UBR4: variants seen among roughly 807,000 people sequenced by gnomAD.
UBR4 encodes ubiquitin protein ligase E3 component n-recognin 4.
Under a neutral mutation model 575.6 loss-of-function variants are expected in UBR4, and 124 were observed. The observed-to-expected ratio is 0.22, with a 90% CI of 0.19 to 0.25. The LOEUF (loss-of-function observed/expected upper bound fraction) is 0.25, where lower values mean the gene tolerates loss of function less well. UBR4 is among the 10% of genes least tolerant of loss of function. The pLI is 1.00. For synonymous variants in UBR4, 2,455 were observed against 2,473.7 expected, an observed-to-expected ratio of 0.99 and a Z score of 0.22; for missense variants, 4,818 against 6,478.8, an observed-to-expected ratio of 0.74 and a Z score of 8.80.
intron 1 of UBR4, among the ~76,000 whole-genome samples, chr1:19,204,420 C>T (rs2092903319): frequency 6.6e-6 from 1 of 152,026 alleles, no homozygotes. Flanking sequence ...GCTGCTTATC[C>T]CCACTTTTTC....
rs143550845 is a variant in UBR4 at position 19,200,751 on chromosome 1, T to C, written c.274+967A>G. ...TAGCCAGAGCTTATAATAAACAGTATTGGACACTGAAGGATTCCTCAGCAA... is the reference window on the plus strand; with the variant it reads ...TAGCCAGAGCTTATAATAAACAGTACTGGACACTGAAGGATTCCTCAGCAA... On this transcript the variant is annotated intron_variant, in intron 2 of 105. Coordinates refer to ENST00000375254, the MANE Select transcript of UBR4 (RefSeq NM_020765.3). 4.6e-5 allele frequency among the ~76,000 whole-genome samples: 7 copies of C among 152,354 alleles called. No individual in the cohort carries two copies. The East Asian group carries it at 1.4e-3, about 29-fold the overall frequency.
Position 19,117,887 on chromosome 1 carries a change from A to T in UBR4, c.10565T>A (p.Phe3522Tyr). 1 of 1,614,216 alleles carries T rather than the reference A, an allele frequency of 6.2e-7. No homozygotes were observed. Among genetic ancestry groups the T allele is most frequent in the Non-Finnish European group, 8.5e-7 (1 of 1,180,022 alleles). Residue 3522 changes from phenylalanine (F) to tyrosine (Y), a missense_variant, in exon 72 of 106, where the codon TTT (phenylalanine) becomes TAT (tyrosine). This residue lies in a region of UBR4 where 550 missense variants were observed against 791.5 expected (regional missense o/e 0.69). Coordinates refer to ENST00000375254, the MANE Select transcript of UBR4 (RefSeq NM_020765.3). This position sits in a 1 kb window ranked among gnomAD's most constrained non-coding sequence, Gnocchi z 4.0. ...IYNTLSGLVE[F>Y]DGYYLESDPC... ...ATCGCTCTCCAGGTAATAGCCATCA[A>T]ACTCCACTAAGCCAGACAAAGTGCT...
chr1:19,206,341 T>A (rs1199158170), intron 1 of UBR4, among the ~76,000 whole-genome samples: 1 of 150,984 alleles, frequency 6.6e-6, no homozygotes, highest in East Asian at 1.9e-4. Context: ...TGTCTCTCTT[T>A]TTTTTTTTTT....
chr1:19,140,102 GA>G (rs905999206), intron 58 of UBR4, among the ~76,000 whole-genome samples: 2 of 150,682 alleles, frequency 1.3e-5, no homozygotes, highest in Admixed American at 6.6e-5. Flanking sequence ...CAAAAGAAAA[GA>G]AAAAAAACAA....
chr1:19,117,268 C>T lies in UBR4; in HGVS notation c.10776G>A (p.Leu3592=), dbSNP rs1157088097. 2.5e-6 allele frequency: 4 copies of T among 1,614,176 alleles called. No individual in the cohort carries two copies. The highest frequency in any genetic ancestry group is 3.4e-6 in the Non-Finnish European group (4 of 1,180,030). ...KRTKMVRTIN[L]YYNNRTVQAI... ...CCTGCACGGTTCGGTTGTTATAATA[C>T]AGGTTGATGGTCCGCACCATCTTGG... Residue 3592 remains leucine (L), a synonymous_variant, in exon 73 of 106, where the codon CTG becomes CTA. Transcript: ENST00000375254. This position sits in a 1 kb window ranked among gnomAD's most constrained non-coding sequence, Gnocchi z 4.0.
chr1:19,116,297 T>G (rs1228533248), intron 73 of UBR4, among the ~76,000 whole-genome samples: 1 of 152,234 alleles, frequency 6.6e-6, no homozygotes, highest in Non-Finnish European at 1.5e-5. Flanking sequence ...GTAGCAGAGC[T>G]GGGATCTGAA....
In UBR4 at chr1:19,160,972, TTG is replaced by T. The variant is rs762380789; in HGVS notation, c.5349_5350del (p.Lys1784GlufsTer32). On this transcript the variant is annotated frameshift_variant, in exon 38 of 106. Coordinates refer to ENST00000375254, the MANE Select transcript of UBR4 (RefSeq NM_020765.3). LOFTEE classifies it high-confidence loss of function. The stretch of plus-strand genomic sequence containing the variant: ...TACTGTGCGGCAGAGGCTGCTCTTC[TTG>T]GGCTTCTCTTCGTCAGCAACCTTTC... The T allele has an allele frequency of 1.9e-6, 3 of 1,614,086 alleles. No individual in the cohort carries two copies. The African/African-American group carries it at 4.0e-5, about 22-fold the overall frequency.
intron 11 of UBR4, among the ~76,000 whole-genome samples, chr1:19,191,127 ATG>A (rs2092040346): frequency 6.6e-6 from 1 of 152,194 alleles, no homozygotes; most frequent in South Asian, 2.1e-4. Context: ...TCTCTACATC[ATG>A]TCTTTGGAGC....
rs1028092062 is a variant in UBR4, at chr1:19,193,126, C to G, written c.1143+307G>C. On this transcript the variant is annotated intron_variant, in intron 9 of 105. Coordinates refer to ENST00000375254, the MANE Select transcript of UBR4 (RefSeq NM_020765.3). ...TTGTTTCAGCGCACTTAATCACTAT[C>G]GGAAATTTTCCTGTTTACTGCATTT... Among the ~76,000 whole-genome samples the G allele has an allele frequency of 3.9e-5, 6 of 152,246 alleles. No individual in the cohort carries two copies. In the South Asian group the frequency reaches 1.0e-3, roughly 26 times the overall value.
At chr1:19,102,223 G>T (rs796464407) in intron 87 of UBR4, among the ~76,000 whole-genome samples, 34 of 152,196 alleles carry the variant, frequency 2.2e-4, no homozygotes, top group African/African-American at 8.2e-4. Flanking sequence ...AAATTAGCTG[G>T]GCGTGGTGGC....
In UBR4 at chr1:19,100,293, C is replaced by T; in HGVS notation, c.13221+83G>A. ...CCACCTGCCCCAAGTTAATCAGCTACTAGGAAGAAGCACCTGGATTTGGTT... is the reference window on the plus strand; with the variant it reads ...CCACCTGCCCCAAGTTAATCAGCTATTAGGAAGAAGCACCTGGATTTGGTT... On this transcript the variant is annotated intron_variant, in intron 89 of 105. Coordinates refer to ENST00000375254, the MANE Select transcript of UBR4 (RefSeq NM_020765.3). This position sits in a 1 kb window ranked among gnomAD's most constrained non-coding sequence, Gnocchi z 4.2. 6.6e-7 allele frequency: 1 copy of T among 1,508,482 alleles called. No homozygotes were observed. Among genetic ancestry groups the T allele is most frequent in the African/African-American group, 1.4e-5 (1 of 72,640 alleles). The allele number at this position is 1,508,482 out of a possible 1,614,324, so 93.4% of individuals were successfully genotyped here.
intron 9 of UBR4, among the ~76,000 whole-genome samples, chr1:19,193,126 C>A (rs1028092062): frequency 6.6e-6 from 1 of 152,128 alleles, no homozygotes; most frequent in Admixed American, 6.6e-5. Flanking sequence ...TAATCACTAT[C>A]GGAAATTTTC....
At chr1:19,194,095 T>C (rs1473883216) in intron 8 of UBR4, among the ~76,000 whole-genome samples, 1 of 152,232 alleles carries the variant, frequency 6.6e-6, no homozygotes, top group African/African-American at 2.4e-5. Context: ...AACTATTTTG[T>C]ACAATATGGT....
At chr1:19,164,083 TGAA>T (rs530640054) in intron 33 of UBR4, among the ~76,000 whole-genome samples, 167 bp downstream of exon 33, 18 of 152,294 alleles carry the variant, frequency 1.2e-4, no homozygotes, top group African/African-American at 3.6e-4. Context: ...AAGAAAATGA[TGAA>T]GATGAAGTCT....
At chr1:19,149,681 T>A in intron 49 of UBR4, 1 of 1,183,826 alleles carries the variant, frequency 8.4e-7, no homozygotes, top group South Asian at 1.4e-5. Context: ...AGAAGCAGAA[T>A]CAATGCAAAG....
At chr1:19,207,764 C>T (rs2093082343) in intron 1 of UBR4, among the ~76,000 whole-genome samples, 1 of 151,328 alleles carries the variant, frequency 6.6e-6, no homozygotes, top group Non-Finnish European at 1.5e-5. Flanking sequence ...TTTTGTATGG[C>T]TAAGAGTGGT....
At chr1:19,176,915 A>G (rs897674655) in intron 19 of UBR4, among the ~76,000 whole-genome samples, 188 bp from the exon 20 acceptor site, 3 of 152,208 alleles carry the variant, frequency 2.0e-5, no homozygotes, top group Non-Finnish European at 4.4e-5. Flanking sequence ...TTGGTATACC[A>G]AAGCCTGGGA....
At position 19,121,974 on chromosome 1, in the gene UBR4, C is replaced by T. The variant is rs763781855; in HGVS notation, c.9855G>A (p.Gln3285=). The T allele has an allele frequency of 6.2e-7, 1 of 1,614,192 alleles. No individual in the cohort carries two copies. The highest frequency in any genetic ancestry group is 1.1e-5 in the South Asian group (1 of 91,082). Residue 3285 remains glutamine (Q), a synonymous_variant, in exon 67 of 106, where the codon CAG becomes CAA. Coordinates refer to ENST00000375254, the MANE Select transcript of UBR4 (RefSeq NM_020765.3). ...HLKACAEIAA[Q]RTINWQKFCI... ...AGAATTTCTGCCAGTTGATGGTTCG[C>T]TGGGCGGCAATCTCTGCACAGGCTT...
Position 19,117,198 on chromosome 1 carries a change from C to T in UBR4, c.10823+23G>A, listed in dbSNP as rs758088614. 8.1e-6 allele frequency: 13 copies of T among 1,607,810 alleles called. No individual in the cohort carries two copies. The African/African-American group carries it at 1.1e-4, about 13-fold the overall frequency. Reference sequence around the variant, plus strand: ...TTCAGCCTTACAACCTGCTGCCCCTCCCGAGGCCTAAAAAGCCCGTACTTG... The same window carrying T: ...TTCAGCCTTACAACCTGCTGCCCCTTCCGAGGCCTAAAAAGCCCGTACTTG... On this transcript the variant is annotated intron_variant, in intron 73 of 105. Coordinates refer to ENST00000375254, the MANE Select transcript of UBR4 (RefSeq NM_020765.3). The surrounding 1 kb of genome is among the most constrained non-coding windows in gnomAD (Gnocchi z 4.0).
Sources: allele counts gnomAD v4.1 joint callset (sites outside exome capture counted in the v4.1 genomes callset), GRCh38; gene constraint gnomAD v4.1.1; regional missense constraint gnomAD v4.1.1; non-coding constraint Gnocchi (gnomAD v3.1); transcripts MANE v1.5; gene names NCBI Gene and HGNC (gene_info 2026-07-23, HGNC 2026-07-21).